Variants in RPL26 observed in about 807,000 individuals in gnomAD.
RPL26 encodes the protein ribosomal protein L26, also known as large ribosomal subunit protein uL24.
A neutral mutation model predicts 16.2 loss-of-function variants in RPL26; 1 was observed. The ratio of observed to expected loss-of-function variants is 0.06; its 90% CI spans 0.02 to 0.29. The LOEUF is 0.29. RPL26 is among the 10% of genes least tolerant of loss of function. The pLI is 1.00. For synonymous variants in RPL26, 55 were observed against 62.4 expected, an observed-to-expected ratio of 0.88 and a Z score of 0.56; for missense variants, 102 against 184.3, an observed-to-expected ratio of 0.55 and a Z score of 2.58.
intron 3 of RPL26, chr17:8,379,241 G>A (rs910278675): frequency 1.4e-4 from 21 of 151,012 alleles, no homozygotes; most frequent in Non-Finnish European, 7.4e-5. Context: ...CTAGGCTGAA[G>A]TGCAATGGTG....
At chr17:8,380,001 A>C (rs776297756) in intron 2 of RPL26, 65 bp from the exon 3 acceptor site, 87 of 1,352,122 alleles carry the variant, frequency 6.4e-5, no homozygotes, top group Non-Finnish European at 9.1e-5. Context: ...TCAAGTAAAC[A>C]AACTCATGCA....
At chr17:8,379,010 G>A (rs1323123551) in intron 3 of RPL26, 1 of 152,164 alleles carries the variant, frequency 6.6e-6, no homozygotes. Context: ...ACTTGAGTAA[G>A]AATCAACTGG....
rs1340742557 is a variant in RPL26, at chr17:8,382,270, T to C, written c.41A>G (p.Asn14Ser). 1 of 1,613,904 alleles carries C rather than the reference T, an allele frequency of 6.2e-7. No homozygotes were observed. The highest frequency in any genetic ancestry group is 1.3e-5 in the African/African-American group (1 of 74,934). The stretch of plus-strand genomic sequence containing the variant: ...AGGTGCATTGAAATGCCTTTTGCGA[T>C]TCTTGCTTCGGTCGGAAGTCACAAA... ...NPFVTSDRSK[N>S]RKRHFNAPSH... Residue 14 changes from asparagine to serine, a missense_variant, in exon 2 of 4, where the codon AAT becomes AGT. Asn to Ser is a conservative substitution (Grantham distance 46). Coordinates refer to ENST00000648839, the MANE Select transcript of RPL26 (RefSeq NM_000987.5).
chr17:8,378,594 A>G (rs1907266434), intron 3 of RPL26, among the ~76,000 whole-genome samples: 3 of 152,208 alleles, frequency 2.0e-5, no homozygotes, highest in African/African-American at 7.2e-5. Context: ...TCCACCTGCA[A>G]AATCTTTAGT....
At chr17:8,379,748 A>G in intron 3 of RPL26, 48 bp downstream of exon 3, 2 of 1,558,040 alleles carry the variant, frequency 1.3e-6, no homozygotes, top group Non-Finnish European at 1.8e-6. Flanking sequence ...TCATGTCAAC[A>G]ATAATTGCCA....
chr17:8,381,821 C>A (rs1207905501), intron 2 of RPL26: 1 of 238,854 alleles, frequency 4.2e-6, no homozygotes, highest in Non-Finnish European at 8.2e-6. Context: ...CCCAGCTACT[C>A]GGGAGGCTGA....
Position 8,377,660 on chromosome 17 carries a change from G to A in RPL26, c.342C>T (p.Asp114=), listed in dbSNP as rs137965122. 39 of 1,611,724 alleles carry A rather than the reference G, an allele frequency of 2.4e-5. No homozygotes were observed. The African/African-American group carries it at 4.5e-4, about 19-fold the overall frequency. The change falls in exon 4 of 4, where the codon GAC becomes GAT. Residue 114 remains aspartate, a synonymous_variant. Transcript: ENST00000648839. ...VVITRLKLDK[D]RKKILERKAK... The stretch of plus-strand genomic sequence containing the variant: ...CTTTCCGTTCGAGGATCTTTTTGCG[G>A]TCTTTGTCCAGTTTTAGCCTAGTGA...
At chr17:8,378,519 A>T (rs1428325416) in intron 3 of RPL26, among the ~76,000 whole-genome samples, 2 of 144,560 alleles carry the variant, frequency 1.4e-5, no homozygotes, top group Non-Finnish European at 3.1e-5. Flanking sequence ...ACCCCCAAAC[A>T]GAAAAATAAT....
chr17:8,381,906 G>T (rs554015737), intron 2 of RPL26: 2 of 365,722 alleles, frequency 5.5e-6, no homozygotes, highest in South Asian at 2.6e-5. Flanking sequence ...TCCAGCCTGG[G>T]GGGGACAAGA....
chr17:8,382,363 G>T, intron 1 of RPL26, 48 bp from the exon 2 acceptor site: 1 of 1,349,462 alleles, frequency 7.4e-7, no homozygotes, highest in Non-Finnish European at 1.1e-6. Flanking sequence ...ATCTCATCCA[G>T]CTTCCAAACA....
chr17:8,379,868 A>G lies in RPL26; in HGVS notation c.237T>C (p.Val79=), dbSNP rs1907332201. 2 of 1,613,682 alleles carry G rather than the reference A, an allele frequency of 1.2e-6. No homozygotes were observed. Among genetic ancestry groups the G allele is most frequent in the East Asian group, 4.5e-5 (2 of 44,876 alleles). Residue 79 remains valine (V), a synonymous_variant, in exon 3 of 4, where the codon GTT becomes GTC. Coordinates refer to ENST00000648839, the MANE Select transcript of RPL26 (RefSeq NM_000987.5). ...CCCGCTGCACCCGTTCAATGTAGAT[A>G]ACATATTTCTTCCTGTAAACCTGGA... ...KVVQVYRKKY[V]IYIERVQREK... is the part of the protein sequence containing the mutation.
At chr17:8,382,906 A>T (rs1907492447) in intron 1 of RPL26, 3 of 396,896 alleles carry the variant, frequency 7.6e-6, no homozygotes, top group Non-Finnish European at 1.3e-5. Context: ...GACACTACCC[A>T]GACTCCAGTC....
chr17:8,377,996 T>C, intron 3 of RPL26, among the ~76,000 whole-genome samples: 1 of 152,238 alleles, frequency 6.6e-6, no homozygotes, highest in East Asian at 1.9e-4. Flanking sequence ...CTCTTCTCAC[T>C]ACAGTTTTAC....
In RPL26 at chr17:8,382,725, C is replaced by A. The variant is rs1240002882; in HGVS notation, c.-5-410G>T. On this transcript the variant is annotated intron_variant, in intron 1 of 3. Coordinates refer to ENST00000648839, the MANE Select transcript of RPL26 (RefSeq NM_000987.5). ...ACAATCAACGTTCATCTTCTACAGG[C>A]TTAAGAGTGAATACGTATAGCCCCG... is the stretch of plus-strand genomic sequence containing the variant. The A allele has an allele frequency of 5.5e-5, 17 of 306,328 alleles. No homozygotes were observed. In the East Asian group the frequency reaches 8.4e-4, roughly 15 times the overall value. 19.0% of individuals were successfully genotyped at this position (306,328 alleles called of 1,614,324 possible). A position where few individuals can be genotyped will look rare whatever the true frequency, so the allele number is the denominator to read the frequency against.
intron 2 of RPL26, 198 bp from the exon 3 acceptor site, chr17:8,380,134 A>G (rs991098656): frequency 1.1e-5 from 6 of 561,394 alleles, no homozygotes; most frequent in Non-Finnish European, 1.6e-5. Flanking sequence ...GACCAAGAGT[A>G]TTTAAATCTG....
intron 3 of RPL26, among the ~76,000 whole-genome samples, chr17:8,378,783 G>A (rs532070181): frequency 5.3e-5 from 8 of 152,306 alleles, no homozygotes; most frequent in South Asian, 4.1e-4. Context: ...TAGGGAGCCC[G>A]AAAACATTTA....
chr17:8,382,560 T>C (rs750602698), intron 1 of RPL26: 45 of 445,844 alleles, frequency 1.0e-4, no homozygotes, highest in Non-Finnish European at 1.6e-4. Flanking sequence ...TCAAAAACAC[T>C]TGTCCTAGTT....
In RPL26 at chr17:8,383,158, C is replaced by T. The variant is rs373052271; in HGVS notation, c.-7G>A. The stretch of plus-strand genomic sequence containing the variant: ...CCCGCTTGCCCGCCGAATCCTTACC[C>T]GCTCCCGCTTCGGTGATGGCCGCAA... On this transcript the variant is annotated splice_region_variant and 5_prime_UTR_variant, in exon 1 of 4. Transcript: ENST00000648839. The T allele has an allele frequency of 2.9e-4, 117 of 398,726 alleles. No homozygotes were observed. In the East Asian group the frequency reaches 4.1e-3, roughly 14 times the overall value. 24.7% of individuals were successfully genotyped at this position (398,726 alleles called of 1,614,324 possible). A position where few individuals can be genotyped will look rare whatever the true frequency, so the allele number is the denominator to read the frequency against.
chr17:8,379,504 G>A (rs557033582), intron 3 of RPL26: 4 of 510,232 alleles, frequency 7.8e-6, no homozygotes, highest in Non-Finnish European at 1.0e-5. Flanking sequence ...CACTTGGGAG[G>A]TGGAGGCTGC....
Sources: gnomAD v4.1 joint callset for allele counts (sites outside exome capture counted in the v4.1 genomes callset) on GRCh38, gnomAD v4.1.1 for gene constraint, MANE v1.5 for transcripts, NCBI Gene and HGNC (gene_info 2026-07-23, HGNC 2026-07-21) for gene names.